Variants in CTNNA2 observed in about 807,000 individuals in gnomAD.
The protein encoded by CTNNA2 is catenin alpha-2.
A neutral mutation model predicts 101.0 loss-of-function variants in CTNNA2; 42 were observed. The observed-to-expected ratio is 0.42, with a 90% CI of 0.32 to 0.54. The LOEUF is 0.54. Ranked by LOEUF, CTNNA2 falls within the 20% of genes least tolerant of loss-of-function variation. The pLI is 0.14. For synonymous variants in CTNNA2, 450 were observed against 456.4 expected (o/e 0.99, Z 0.18); for missense variants, 871 against 1,223.1 (o/e 0.71, Z 4.29).
At chr2:79,681,965 A>C (rs13028059) in intron 2 of CTNNA2, among the ~76,000 whole-genome samples, 79,683 of 152,004 alleles carry the variant, frequency 0.52, 20,989 homozygotes, top group South Asian at 0.57. Flanking sequence ...TACGAAGTGG[A>C]GTTACCATTC....
chr2:80,372,743 A>G (rs1302575988), intron 7 of CTNNA2, among the ~76,000 whole-genome samples: 2 of 150,270 alleles, frequency 1.3e-5, no homozygotes, highest in African/African-American at 4.9e-5. Context: ...TATCTGTATC[A>G]TAGCATTTGT....
At chr2:80,341,169 A>G (rs1672203246) in intron 7 of CTNNA2, among the ~76,000 whole-genome samples, 1 of 151,932 alleles carries the variant, frequency 6.6e-6, no homozygotes, top group African/African-American at 2.4e-5. Context: ...TTTTTTTTTA[A>G]TGGAGGTTTC....
intron 3 of CTNNA2, among the ~76,000 whole-genome samples, chr2:79,753,287 T>C (rs1319692135): frequency 6.6e-6 from 1 of 152,238 alleles, no homozygotes; most frequent in Non-Finnish European, 1.5e-5. Flanking sequence ...CTGTTAAAAA[T>C]GGGGTGTTCA....
At chr2:80,463,637 C>T (rs966703823) in intron 9 of CTNNA2, among the ~76,000 whole-genome samples, 1 of 152,122 alleles carries the variant, frequency 6.6e-6, no homozygotes, top group Non-Finnish European at 1.5e-5. Flanking sequence ...GTTCTGATTC[C>T]ACCCTATGAA....
chr2:79,917,147 C>G (rs146762229), intron 7 of CTNNA2, among the ~76,000 whole-genome samples: 1 of 151,826 alleles, frequency 6.6e-6, no homozygotes, highest in Non-Finnish European at 1.5e-5. Flanking sequence ...TCTCGGCTCA[C>G]TGCAACTTCA....
chr2:79,603,310 T>C (rs1298715458), intron 1 of CTNNA2, among the ~76,000 whole-genome samples: 1 of 152,152 alleles, frequency 6.6e-6, no homozygotes. Flanking sequence ...ACTTAGAAGA[T>C]AAATCCTTAA....
intron 8 of CTNNA2, among the ~76,000 whole-genome samples, chr2:80,401,710 T>A (rs1490589285): frequency 1.3e-5 from 2 of 152,100 alleles, no homozygotes; most frequent in Admixed American, 1.3e-4. Flanking sequence ...TGCAATCTCC[T>A]TGGCCTCTAT....
chr2:79,482,637 AG>A (rs1240661189), intron 4 of CTNNA2, among the ~76,000 whole-genome samples: 1 of 152,128 alleles, frequency 6.6e-6, no homozygotes, highest in East Asian at 1.9e-4. Flanking sequence ...CTCTATTCAA[AG>A]AGGTAAAAAG....
At chr2:79,722,987 A>G (rs1686585024) in intron 2 of CTNNA2, among the ~76,000 whole-genome samples, 1 of 152,242 alleles carries the variant, frequency 6.6e-6, no homozygotes, top group African/African-American at 2.4e-5. Context: ...TATATTTCAT[A>G]TAAAGCAAAA....
At chr2:80,304,409 T>C (rs1410869692) in intron 7 of CTNNA2, 1 of 152,662 alleles carries the variant, frequency 6.6e-6, no homozygotes, top group Non-Finnish European at 1.5e-5. Flanking sequence ...TCCTGCCGCC[T>C]TCCTTTCCCT....
intron 7 of CTNNA2, among the ~76,000 whole-genome samples, chr2:80,232,910 G>A (rs964936437): frequency 1.1e-4 from 17 of 152,286 alleles, no homozygotes; most frequent in African/African-American, 4.1e-4. Context: ...CTGATTTGTA[G>A]CCAGCTGGGA....
At chr2:80,276,433 G>A (rs1673907480) in intron 7 of CTNNA2, among the ~76,000 whole-genome samples, 2 of 152,114 alleles carry the variant, frequency 1.3e-5, no homozygotes, top group Non-Finnish European at 2.9e-5. Flanking sequence ...TACCTAGAGT[G>A]TCTTTGTCCA....
At chr2:79,794,642 A>G (rs932714298) in intron 3 of CTNNA2, among the ~76,000 whole-genome samples, 5 of 152,194 alleles carry the variant, frequency 3.3e-5, no homozygotes, top group Non-Finnish European at 7.3e-5. Context: ...ATCATTAATT[A>G]TAGGTTCTAT....
chr2:79,363,297 C>T (rs1053331804), intron 3 of CTNNA2, among the ~76,000 whole-genome samples: 1 of 152,136 alleles, frequency 6.6e-6, no homozygotes, highest in Non-Finnish European at 1.5e-5. Flanking sequence ...TTTGAGGACA[C>T]TAATCCCATT....
chr2:80,353,044 T>A (rs11683366), intron 7 of CTNNA2, among the ~76,000 whole-genome samples: 41,861 of 151,914 alleles, frequency 0.28, 6,363 homozygotes, highest in East Asian at 0.51. Flanking sequence ...GTTCAGGAGG[T>A]TTAGATGTGA....
At chr2:80,003,424 C>T (rs1195768077) in intron 7 of CTNNA2, among the ~76,000 whole-genome samples, 1 of 152,128 alleles carries the variant, frequency 6.6e-6, no homozygotes. Context: ...TCTTGCATAC[C>T]TCAATGCAAA....
At chr2:80,348,701 G>A (rs577863154) in intron 7 of CTNNA2, among the ~76,000 whole-genome samples, 443 of 152,158 alleles carry the variant, frequency 2.9e-3, no homozygotes, top group African/African-American at 0.01. Context: ...TTTTGTGTAA[G>A]ACATTCCACC....
intron 12 of CTNNA2, among the ~76,000 whole-genome samples, chr2:80,570,942 C>A (rs1296598914): frequency 1.3e-5 from 2 of 152,092 alleles, no homozygotes; most frequent in African/African-American, 4.8e-5. Flanking sequence ...TGCAGAGCAT[C>A]CCCTATGAAG....
intron 3 of CTNNA2, among the ~76,000 whole-genome samples, chr2:79,788,053 G>A (rs1674986836): frequency 6.6e-6 from 1 of 152,146 alleles, no homozygotes; most frequent in South Asian, 2.1e-4. Context: ...TAGAGGGTAT[G>A]TCCGACATGT....
Sources: allele counts gnomAD v4.1 joint callset (sites outside exome capture counted in the v4.1 genomes callset), GRCh38; gene constraint gnomAD v4.1.1; transcripts MANE v1.5; gene names NCBI Gene and HGNC (gene_info 2026-07-23, HGNC 2026-07-21).